TNNI3K: variants seen among roughly 807,000 people sequenced by gnomAD.
TNNI3K encodes serine/threonine-protein kinase TNNI3K.
Under a neutral mutation model 114.5 loss-of-function variants are expected in TNNI3K, and 140 were observed. The ratio of observed to expected loss-of-function variants is 1.22; its 90% CI spans 1.07 to 1.41. The LOEUF (loss-of-function observed/expected upper bound fraction) is 1.41. TNNI3K is among the 40% of genes most tolerant of loss of function. TNNI3K has a pLI of 0.00. For synonymous variants in TNNI3K, 347 were observed against 347.5 expected, an observed-to-expected ratio of 1.00 and a Z score of 0.02; for missense variants, 1,125 against 1,007.6, an observed-to-expected ratio of 1.12 and a Z score of -1.58.
In TNNI3K at chr1:74,389,135, C is replaced by T. The variant is rs1663634402; in HGVS notation, c.1772+18743C>T. Among the ~76,000 whole-genome samples, 3 of 152,082 alleles carry T rather than the reference C, an allele frequency of 2.0e-5. No individual in the cohort carries two copies. In the South Asian group the frequency reaches 6.2e-4, roughly 32 times the overall value. ...GAGTGGCTTAGTACAGGAGCATTTGCCATAGGTCAGGAGGAAATTAAAATA... is the reference window on the plus strand; with the variant it reads ...GAGTGGCTTAGTACAGGAGCATTTGTCATAGGTCAGGAGGAAATTAAAATA... On this transcript the variant is annotated intron_variant, in intron 17 of 24. Coordinates refer to ENST00000326637, the MANE Select transcript of TNNI3K (RefSeq NM_015978.3).
At chr1:74,332,746 C>G (rs1041215756) in intron 6 of TNNI3K, among the ~76,000 whole-genome samples, 2 of 152,016 alleles carry the variant, frequency 1.3e-5, no homozygotes, top group African/African-American at 4.8e-5. Flanking sequence ...TTTGCTGTAC[C>G]AAAGTACCTC....
intron 21 of TNNI3K, among the ~76,000 whole-genome samples, chr1:74,481,550 A>G (rs1381572404): frequency 1.3e-5 from 2 of 152,222 alleles, no homozygotes; most frequent in Non-Finnish European, 2.9e-5. Context: ...TTCAATCCAG[A>G]CAACCCAAGT....
intron 5 of TNNI3K, among the ~76,000 whole-genome samples, chr1:74,292,186 C>T (rs1489349708): frequency 2.0e-5 from 3 of 151,358 alleles, no homozygotes; most frequent in African/African-American, 7.3e-5. Flanking sequence ...AAAGAACCAA[C>T]TTCTGGCTTT....
intron 23 of TNNI3K, among the ~76,000 whole-genome samples, chr1:74,532,762 A>G (rs865947689): frequency 1.3e-3 from 201 of 152,172 alleles, no homozygotes; most frequent in Non-Finnish European, 2.0e-3. Flanking sequence ...ATAATGCTGC[A>G]TATCTACAAC....
chr1:74,480,723 G>A (rs1176115524), intron 21 of TNNI3K: 1 of 717,370 alleles, frequency 1.4e-6, no homozygotes, highest in African/African-American at 1.7e-5. Context: ...CTCAGCACCA[G>A]TACCTGCAGG....
Position 74,423,810 on chromosome 1 carries a change from G to A in TNNI3K, c.1773-12270G>A, listed in dbSNP as rs142176046. ...CTCCTCCTTCTTCATATGTAAAATT[G>A]CATAATAATTATATATCTCATTGGG... is the stretch of plus-strand genomic sequence containing the variant. On this transcript the variant is annotated intron_variant, in intron 17 of 24. Transcript: ENST00000326637. 2.0e-4 allele frequency among the ~76,000 whole-genome samples: 30 copies of A among 152,040 alleles called. 1 individual carries two copies. The highest frequency in any genetic ancestry group is 3.9e-4 in the East Asian group (2 of 5,154).
At chr1:74,394,170 C>A (rs1663951748) in intron 17 of TNNI3K, among the ~76,000 whole-genome samples, 1 of 152,140 alleles carries the variant, frequency 6.6e-6, no homozygotes. Context: ...AATGGGAAAA[C>A]CTCCTCTTAT....
At chr1:74,271,785 A>T in intron 5 of TNNI3K, 77 bp downstream of exon 5, 1 of 1,255,312 alleles carries the variant, frequency 8.0e-7, no homozygotes, top group Non-Finnish European at 1.1e-6. Context: ...GTTTTGAAAT[A>T]CTGTCTTTGA....
At chr1:74,298,524 A>T (rs1023460543) in intron 5 of TNNI3K, among the ~76,000 whole-genome samples, 4 of 152,160 alleles carry the variant, frequency 2.6e-5, no homozygotes, top group African/African-American at 4.8e-5. Context: ...CTCAAATTTG[A>T]GAGTTAAATC....
chr1:74,373,997 C>T (rs939435143), intron 17 of TNNI3K: 7 of 151,898 alleles, frequency 4.6e-5, no homozygotes, highest in Admixed American at 3.3e-4. Flanking sequence ...TTGCATATTT[C>T]CTATGCACAT....
chr1:74,334,578 T>G (rs1027733005), intron 6 of TNNI3K, among the ~76,000 whole-genome samples: 4 of 152,110 alleles, frequency 2.6e-5, no homozygotes, highest in Non-Finnish European at 2.9e-5. Context: ...AGTTCTTAAG[T>G]ATATATATAA....
chr1:74,300,753 G>C (rs1448217977), intron 5 of TNNI3K, among the ~76,000 whole-genome samples: 1 of 152,206 alleles, frequency 6.6e-6, no homozygotes, highest in Non-Finnish European at 1.5e-5. Context: ...GGTTAAAAGT[G>C]TAGGTATGCT....
chr1:74,247,191 C>A (rs1654619475), intron 2 of TNNI3K, among the ~76,000 whole-genome samples: 1 of 152,058 alleles, frequency 6.6e-6, no homozygotes, highest in South Asian at 2.1e-4. Context: ...CGAGTTTCTT[C>A]CTTCTGGTGG....
chr1:74,535,834 C>T (rs1646654921), intron 23 of TNNI3K, among the ~76,000 whole-genome samples: 1 of 152,170 alleles, frequency 6.6e-6, no homozygotes, highest in South Asian at 2.1e-4. Context: ...AACCACTCGT[C>T]ATCTGGAACA....
At chr1:74,511,401 C>T (rs1212510122) in intron 23 of TNNI3K, among the ~76,000 whole-genome samples, 1 of 152,072 alleles carries the variant, frequency 6.6e-6, no homozygotes, top group Non-Finnish European at 1.5e-5. Flanking sequence ...CCATGTTGGC[C>T]TCGAACTCCT....
intron 2 of TNNI3K, among the ~76,000 whole-genome samples, chr1:74,247,789 A>G (rs1485410943): frequency 6.6e-6 from 1 of 152,204 alleles, no homozygotes; most frequent in Non-Finnish European, 1.5e-5. Flanking sequence ...CCAGCTAGAC[A>G]TAAAAGTTCT....
intron 17 of TNNI3K, among the ~76,000 whole-genome samples, chr1:74,383,992 T>G (rs1466423597): frequency 6.6e-6 from 1 of 151,954 alleles, no homozygotes; most frequent in African/African-American, 2.4e-5. Flanking sequence ...GAATGTATAG[T>G]CATTTAGCCC....
chr1:74,450,441 A>G (rs187754561), intron 20 of TNNI3K, among the ~76,000 whole-genome samples: 23 of 152,314 alleles, frequency 1.5e-4, no homozygotes, highest in Admixed American at 1.4e-3. Flanking sequence ...CTGCACAGCA[A>G]AAGAAGCTAT....
chr1:74,356,735 G>C (rs1037231944), intron 11 of TNNI3K, among the ~76,000 whole-genome samples: 2 of 152,188 alleles, frequency 1.3e-5, no homozygotes, highest in Non-Finnish European at 2.9e-5. Flanking sequence ...CTATGAAACA[G>C]TGAATCATTG....
Sources: gnomAD v4.1 joint callset for allele counts (sites outside exome capture counted in the v4.1 genomes callset) on GRCh38, gnomAD v4.1.1 for gene constraint, MANE v1.5 for transcripts, NCBI Gene and HGNC (gene_info 2026-07-23, HGNC 2026-07-21) for gene names.